GUCY1A2: variants seen among roughly 807,000 people sequenced by gnomAD.
GUCY1A2 encodes the protein guanylate cyclase soluble subunit alpha-2.
GUCY1A2 carries 27 observed loss-of-function variants against 63.5 expected under a neutral mutation model. The ratio of observed to expected loss-of-function variants is 0.43; its 90% CI spans 0.31 to 0.59. The LOEUF (loss-of-function observed/expected upper bound fraction) is 0.59, where lower values mean the gene tolerates loss of function less well. Among genes scored for constraint, GUCY1A2 ranks in the 20% least tolerant of loss-of-function variants. The pLI is 0.11. For missense variants in GUCY1A2, 768 were observed against 913.3 expected, an observed-to-expected ratio of 0.84 and a Z score of 2.05; for synonymous variants, 364 against 343.5, an observed-to-expected ratio of 1.06 and a Z score of -0.66.
intron 4 of GUCY1A2, among the ~76,000 whole-genome samples, chr11:106,891,782 A>G (rs1859978319): frequency 6.6e-6 from 1 of 152,130 alleles, no homozygotes; most frequent in African/African-American, 2.4e-5. Flanking sequence ...TATTATGCCA[A>G]TACCATACTG....
At chr11:106,871,986 ATGT>A (rs1859685529) in intron 4 of GUCY1A2, among the ~76,000 whole-genome samples, 1 of 152,154 alleles carries the variant, frequency 6.6e-6, no homozygotes, top group Admixed American at 6.6e-5. Context: ...TCTGCTGTAG[ATGT>A]TGTCATGTAT....
chr11:106,788,624 T>C (rs1864606377), intron 5 of GUCY1A2, among the ~76,000 whole-genome samples: 1 of 152,186 alleles, frequency 6.6e-6, no homozygotes, highest in South Asian at 2.1e-4. Flanking sequence ...AGCATATGCA[T>C]ATCCAGTTTT....
rs143226142 is a variant in GUCY1A2, at chr11:106,703,037, C to T, written c.1991+5475G>A. On this transcript the variant is annotated intron_variant, in intron 7 of 7. Coordinates refer to ENST00000526355, the MANE Select transcript of GUCY1A2 (RefSeq NM_000855.3). The stretch of plus-strand genomic sequence containing the variant: ...TGGGTGGACACAATCTAATCTATTC[C>T]AGCACAGCCATAATAAAACCAGGCA... Among the ~76,000 whole-genome samples, 584 of 152,202 alleles carry T rather than the reference C, an allele frequency of 3.8e-3. 4 individuals carry two copies. Among genetic ancestry groups the T allele is most frequent in the African/African-American group, 0.014 (571 of 41,538 alleles).
intron 5 of GUCY1A2, among the ~76,000 whole-genome samples, chr11:106,777,826 T>A (rs1212746837): frequency 6.6e-6 from 1 of 151,974 alleles, no homozygotes; most frequent in Non-Finnish European, 1.5e-5. Flanking sequence ...ACCTAAAGTA[T>A]AATTTTTAAA....
At chr11:107,000,125 G>C (rs995710349) in intron 1 of GUCY1A2, among the ~76,000 whole-genome samples, 1 of 152,126 alleles carries the variant, frequency 6.6e-6, no homozygotes, top group African/African-American at 2.4e-5. Flanking sequence ...ATAAATTGCA[G>C]GTATACTTTT....
chr11:106,742,543 G>T (rs1037637043), intron 6 of GUCY1A2, among the ~76,000 whole-genome samples: 3 of 152,178 alleles, frequency 2.0e-5, no homozygotes, highest in Non-Finnish European at 2.9e-5. Flanking sequence ...TGGCTGCATA[G>T]TATTCCATGG....
chr11:107,010,810 A>G lies in GUCY1A2; in HGVS notation c.303+6943T>C, dbSNP rs113665600. On this transcript the variant is annotated intron_variant, in intron 1 of 7. Coordinates refer to ENST00000526355, the MANE Select transcript of GUCY1A2 (RefSeq NM_000855.3). ...CAGTGGCATGATCTCGGCTCACTGCAACCTCCCCCTCCCACTTTCAGGCTA... is the reference window on the plus strand; with the variant it reads ...CAGTGGCATGATCTCGGCTCACTGCGACCTCCCCCTCCCACTTTCAGGCTA... Among the ~76,000 whole-genome samples, 1,403 of 152,104 alleles carry G rather than the reference A, an allele frequency of 9.2e-3. 18 individuals carry two copies. Among genetic ancestry groups the G allele is most frequent in the African/African-American group, 0.031 (1,290 of 41,452 alleles).
chr11:106,771,166 C>T (rs1339495733), intron 6 of GUCY1A2, among the ~76,000 whole-genome samples: 1 of 152,074 alleles, frequency 6.6e-6, no homozygotes, highest in Admixed American at 6.6e-5. Context: ...TAGGTACATT[C>T]TCTAGTTAAT....
intron 4 of GUCY1A2, among the ~76,000 whole-genome samples, chr11:106,908,685 T>C (rs1335635385): frequency 1.3e-5 from 2 of 152,048 alleles, no homozygotes; most frequent in South Asian, 2.1e-4. Flanking sequence ...TCAGATTCTT[T>C]TTGTAATAAA....
At chr11:106,918,760 T>A (rs1860401495) in intron 4 of GUCY1A2, among the ~76,000 whole-genome samples, 1 of 113,056 alleles carries the variant, frequency 8.8e-6, no homozygotes, top group Non-Finnish European at 2.2e-5. Flanking sequence ...GTTAACAGCT[T>A]TTTATCTTTC....
At chr11:107,001,540 A>T (rs1565356226) in intron 1 of GUCY1A2, among the ~76,000 whole-genome samples, 1 of 152,154 alleles carries the variant, frequency 6.6e-6, no homozygotes, top group Non-Finnish European at 1.5e-5. Context: ...AAATAATAAA[A>T]ATTAAAATAA....
At chr11:106,740,849 G>A (rs1207418639) in intron 6 of GUCY1A2, among the ~76,000 whole-genome samples, 1 of 151,940 alleles carries the variant, frequency 6.6e-6, no homozygotes, top group African/African-American at 2.4e-5. Context: ...AATTTTGCAC[G>A]TTTAGTAGAG....
intron 3 of GUCY1A2, among the ~76,000 whole-genome samples, chr11:106,961,275 A>G (rs1307892535): frequency 1.3e-5 from 2 of 152,028 alleles, no homozygotes; most frequent in African/African-American, 4.8e-5. Flanking sequence ...TATGTGACAT[A>G]GGAATGTTAA....
chr11:106,799,768 G>T (rs1409889330), intron 5 of GUCY1A2, among the ~76,000 whole-genome samples: 1 of 152,100 alleles, frequency 6.6e-6, no homozygotes, highest in Non-Finnish European at 1.5e-5. Flanking sequence ...TTAAATGTTA[G>T]ACCTAAAACC....
intron 4 of GUCY1A2, among the ~76,000 whole-genome samples, chr11:106,899,504 G>A (rs1860096923): frequency 6.6e-6 from 1 of 152,078 alleles, no homozygotes; most frequent in Non-Finnish European, 1.5e-5. Flanking sequence ...ATAATTAAAG[G>A]ACTTAGCCTT....
At chr11:106,784,660 A>G (rs1864526042) in intron 5 of GUCY1A2, among the ~76,000 whole-genome samples, 1 of 152,194 alleles carries the variant, frequency 6.6e-6, no homozygotes, top group Non-Finnish European at 1.5e-5. Context: ...TGTGATTACC[A>G]AAAAGGAAAG....
chr11:106,867,884 T>C (rs1230827220), intron 4 of GUCY1A2, among the ~76,000 whole-genome samples: 1 of 152,036 alleles, frequency 6.6e-6, no homozygotes, highest in East Asian at 1.9e-4. Context: ...AGCACATGAT[T>C]ATTTATAAAC....
chr11:107,006,495 A>T (rs1861672681), intron 1 of GUCY1A2, among the ~76,000 whole-genome samples: 1 of 152,218 alleles, frequency 6.6e-6, no homozygotes, highest in Admixed American at 6.5e-5. Context: ...TTTTTCAAGG[A>T]AAACAAGACA....
At chr11:106,724,793 C>A (rs1863376187) in intron 6 of GUCY1A2, among the ~76,000 whole-genome samples, 2 of 152,150 alleles carry the variant, frequency 1.3e-5, no homozygotes, top group Non-Finnish European at 2.9e-5. Context: ...CTATCCTCAT[C>A]ATCTCTGGCA....
Sources: gnomAD v4.1 joint callset for allele counts (sites outside exome capture counted in the v4.1 genomes callset) on GRCh38, gnomAD v4.1.1 for gene constraint, MANE v1.5 for transcripts, NCBI Gene and HGNC (gene_info 2026-07-23, HGNC 2026-07-21) for gene names.